The following STK32B variants were observed in gnomAD, a reference collection of about 807,000 sequenced individuals.
The protein encoded by STK32B is serine/threonine kinase 32B.
A neutral mutation model predicts 52.6 loss-of-function variants in STK32B; 43 were observed. That is an observed-to-expected ratio of 0.82 (90% CI 0.64 to 1.05). The LOEUF (loss-of-function observed/expected upper bound fraction) is 1.05, where lower values mean the gene tolerates loss of function less well. Among genes scored for constraint, STK32B ranks in the 50% least tolerant of loss-of-function variants. The probability of loss-of-function intolerance (pLI) is 0.00; values close to 1 mark genes in which losing one functional copy is unlikely to be tolerated. For missense variants in STK32B, 621 were observed against 534.6 expected (o/e 1.16, Z -1.59); for synonymous variants, 238 against 204.3 (o/e 1.17, Z -1.41).
intron 3 of STK32B, among the ~76,000 whole-genome samples, chr4:5,176,865 T>A (rs1468079112): frequency 1.3e-5 from 2 of 152,160 alleles, no homozygotes; most frequent in African/African-American, 2.4e-5. Context: ...AATGTCAGCC[T>A]CTGGTGGCTT....
At chr4:5,146,797 A>G (rs919121577) in intron 2 of STK32B, among the ~76,000 whole-genome samples, 2 of 152,232 alleles carry the variant, frequency 1.3e-5, no homozygotes, top group African/African-American at 4.8e-5. Flanking sequence ...TCCTTATGCA[A>G]GTACTAGTCT....
intron 3 of STK32B, among the ~76,000 whole-genome samples, chr4:5,282,636 G>A (rs957205637): frequency 6.6e-6 from 1 of 152,124 alleles, no homozygotes; most frequent in Non-Finnish European, 1.5e-5. Flanking sequence ...TTGTGAGGTA[G>A]CATTTGGCTA....
At chr4:5,374,781 G>GT (rs1553880565) in intron 4 of STK32B, among the ~76,000 whole-genome samples, 7 of 146,096 alleles carry the variant, frequency 4.8e-5, no homozygotes, top group South Asian at 2.1e-4. Context: ...GACGGGGGCG[G>GT]GGGGGGAACA....
intron 4 of STK32B, among the ~76,000 whole-genome samples, chr4:5,344,906 G>A (rs1311279477): frequency 2.6e-5 from 4 of 151,934 alleles, no homozygotes; most frequent in Admixed American, 2.6e-4. Context: ...GGGCAACATG[G>A]CAAAAACCCA....
At chr4:5,051,190 C>A (rs1336277816), upstream of STK32B, among the ~76,000 whole-genome samples, 1 of 152,090 alleles carries the variant, frequency 6.6e-6, no homozygotes, top group African/African-American at 2.4e-5. Flanking sequence ...GACCTAAGAG[C>A]CCCTCTACCT....
intron 1 of STK32B, among the ~76,000 whole-genome samples, chr4:5,104,761 A>C (rs568913189): frequency 6.6e-6 from 1 of 152,336 alleles, no homozygotes; most frequent in South Asian, 2.1e-4. Context: ...GCTTTATATA[A>C]ATAGAATTAT....
At chr4:5,106,668 C>T (rs905035639) in intron 1 of STK32B, among the ~76,000 whole-genome samples, 2 of 152,262 alleles carry the variant, frequency 1.3e-5, no homozygotes, top group East Asian at 3.9e-4. Flanking sequence ...TAGGTCCATC[C>T]ATTCTGTTTC....
At chr4:5,332,188 T>G (rs543287803) in intron 4 of STK32B, among the ~76,000 whole-genome samples, 1 of 152,322 alleles carries the variant, frequency 6.6e-6, no homozygotes, top group East Asian at 1.9e-4. Flanking sequence ...CTTGTTAAAC[T>G]CCATTAAATG....
chr4:5,347,753 T>C (rs1339396204), intron 4 of STK32B, among the ~76,000 whole-genome samples: 1 of 152,260 alleles, frequency 6.6e-6, no homozygotes, highest in South Asian at 2.1e-4. Flanking sequence ...TCTCACAAGA[T>C]CTGATAGTTT....
rs181463747 is a variant in STK32B, at chr4:5,271,421, T to C, written c.261-59799T>C. ...GACTCAATATTGCTTGTAGTATAGT[T>C]TGAAGTCAGGTAGTGTGATGCCTCC... is the stretch of plus-strand genomic sequence containing the variant. On this transcript the variant is annotated intron_variant, in intron 3 of 11. Coordinates refer to ENST00000282908, the MANE Select transcript of STK32B (RefSeq NM_018401.3). 3.6e-3 allele frequency among the ~76,000 whole-genome samples: 547 copies of C among 152,198 alleles called. 2 individuals are homozygous for C. Among genetic ancestry groups the C allele is most frequent in the African/African-American group, 0.012 (491 of 41,524 alleles).
rs1477192313 is a variant in STK32B, at chr4:5,051,510, C to T, written c.-354C>T. On this transcript the variant is annotated 5_prime_UTR_variant, in exon 1 of 12. Transcript: ENST00000282908. ...CCTCCTTCCCCTGCTCCCGCGCCGC[C>T]TCGCGTCTCCCGCCCGCTGTAGCCG... The T allele has an allele frequency of 3.2e-6, 1 of 314,046 alleles. No individual in the cohort carries two copies. The highest frequency in any genetic ancestry group is 5.4e-5 in the Admixed American group (1 of 18,582). The allele number at this position is 314,046 out of a possible 1,614,324, so 19.5% of individuals were successfully genotyped here.
At chr4:5,041,901 G>A in the STK32B span, among the ~76,000 whole-genome samples, 1 of 151,886 alleles carries the variant, frequency 6.6e-6, no homozygotes. Flanking sequence ...CCAGACTCAA[G>A]TTTTAAATAA....
chr4:5,159,880 G>C (rs1297821932), intron 2 of STK32B, among the ~76,000 whole-genome samples: 1 of 151,666 alleles, frequency 6.6e-6, no homozygotes, highest in Admixed American at 6.6e-5. Flanking sequence ...TCTTTAGGAT[G>C]AACAGTCAGG....
At chr4:5,239,050 A>G (rs1577229264) in intron 3 of STK32B, among the ~76,000 whole-genome samples, 2 of 152,154 alleles carry the variant, frequency 1.3e-5, no homozygotes, top group East Asian at 3.9e-4. Context: ...GATTAATCAG[A>G]AAAGCCCTTT....
At chr4:5,364,202 A>G (rs115380013) in intron 4 of STK32B, among the ~76,000 whole-genome samples, 274 of 152,372 alleles carry the variant, frequency 1.8e-3, no homozygotes, top group African/African-American at 6.2e-3. Context: ...TTAAGCTGCC[A>G]GGGTACAGCA....
rs1236646749 is a variant in STK32B at position 5,467,937 on chromosome 4, G to C, written c.1042-69G>C. 1.1e-5 allele frequency: 18 copies of C among 1,568,178 alleles called. No homozygotes were observed. The highest frequency in any genetic ancestry group is 1.9e-4 in the Middle Eastern group (1 of 5,354). On this transcript the variant is annotated intron_variant, in intron 10 of 11. Transcript: ENST00000282908. The surrounding 1 kb of genome is among the most constrained non-coding windows in gnomAD (Gnocchi z 5.8). ...CATCTAGGTCAGTCTGCCGTCCTGT[G>C]ATGCTCCATTACCGCGCGTCCCCGG...
At chr4:5,333,903 G>T (rs1307464240) in intron 4 of STK32B, among the ~76,000 whole-genome samples, 2 of 152,198 alleles carry the variant, frequency 1.3e-5, no homozygotes, top group African/African-American at 2.4e-5. Flanking sequence ...TTGAAGTCAG[G>T]TAGCATGATG....
chr4:5,251,874 T>G (rs1043081042), intron 3 of STK32B, among the ~76,000 whole-genome samples: 1 of 152,242 alleles, frequency 6.6e-6, no homozygotes, highest in East Asian at 1.9e-4. Flanking sequence ...AAACTGCATC[T>G]GGGCACTAAT....
chr4:5,262,306 A>T (rs1186152419), intron 3 of STK32B, among the ~76,000 whole-genome samples: 2 of 152,118 alleles, frequency 1.3e-5, no homozygotes, highest in Non-Finnish European at 2.9e-5. Flanking sequence ...AATAGCTTCC[A>T]GTGTGGAATT....
Sources: allele counts gnomAD v4.1 joint callset (sites outside exome capture counted in the v4.1 genomes callset), GRCh38; gene constraint gnomAD v4.1.1; non-coding constraint Gnocchi (gnomAD v3.1); transcripts MANE v1.5; gene names NCBI Gene and HGNC (gene_info 2026-07-23, HGNC 2026-07-21).